NEXMIF: variants seen among roughly 807,000 people sequenced by gnomAD.
The protein encoded by NEXMIF is XLMR protein related to neurite extension.
NEXMIF carries 8 observed loss-of-function variants against 62.1 expected under a neutral mutation model. The ratio of observed to expected loss-of-function variants is 0.13; its 90% confidence interval spans 0.08 to 0.23. NEXMIF has a LOEUF of 0.23. Ranked by LOEUF, NEXMIF falls within the 10% of genes least tolerant of loss-of-function variation. The probability of loss-of-function intolerance (pLI) is 1.00; values close to 1 mark genes in which losing one functional copy is unlikely to be tolerated. For synonymous variants in NEXMIF, 404 were observed against 416.6 expected (o/e 0.97, Z 0.37); for missense variants, 976 against 1,113.3 (o/e 0.88, Z 1.75).
At position 74,746,928 on chromosome X, in the gene NEXMIF, A is replaced by G. The variant is rs756597518; in HGVS notation, c.-47-1231T>C. Among the ~76,000 whole-genome samples, 23 of 112,742 alleles carry G rather than the reference A, an allele frequency of 2.0e-4. 1 individual carries two copies. The South Asian group carries it at 8.0e-3, about 39-fold the overall frequency. On this transcript the variant is annotated intron_variant, in intron 1 of 3. Coordinates refer to ENST00000055682, the MANE Select transcript of NEXMIF (RefSeq NM_001008537.3). ...AAAGAGAAAATATATGCTTACTTGT[A>G]TTTACACAGAAAAGGGCTGGAGAGT... is the stretch of plus-strand genomic sequence containing the variant.
At chrX:74,771,505 G>C (rs188906970) in intron 1 of NEXMIF, among the ~76,000 whole-genome samples, 1 of 110,918 alleles carries the variant, frequency 9.0e-6, no homozygotes, top group Non-Finnish European at 1.9e-5. Context: ...CACCTATTTT[G>C]GTTCCAAAGG....
chrX:74,813,185 CTTAA>C (rs1384337764), intron 1 of NEXMIF, among the ~76,000 whole-genome samples: 1 of 111,210 alleles, frequency 9.0e-6, no homozygotes, highest in African/African-American at 3.3e-5. Context: ...ATGGCATAGC[CTTAA>C]TTAAACAAAA....
At chrX:74,838,157 T>C (rs903941976) in intron 1 of NEXMIF, among the ~76,000 whole-genome samples, 11 of 111,618 alleles carry the variant, frequency 9.9e-5, no homozygotes, top group African/African-American at 2.9e-4. Flanking sequence ...GAATAAAATA[T>C]TGAATCCAGA....
intron 1 of NEXMIF, among the ~76,000 whole-genome samples, chrX:74,895,042 G>C (rs2080728738): frequency 8.9e-6 from 1 of 112,300 alleles, no homozygotes; most frequent in Non-Finnish European, 1.9e-5. Context: ...AATTATCCTT[G>C]TTTGCATATG....
chrX:74,815,989 T>C (rs2080374917), intron 1 of NEXMIF, among the ~76,000 whole-genome samples: 1 of 111,353 alleles, frequency 9.0e-6, no homozygotes, highest in Non-Finnish European at 1.9e-5. Flanking sequence ...CCACTTACTG[T>C]TTCCCCCATA....
rs2080086757 is a variant in NEXMIF, at chrX:74,736,916, A to G, written c.*2489T>C. ...TGGGCTCCATAGGAGCAACTGAAAG[A>G]ATATCCATTCCAAAGGACTTATGAT... On this transcript the variant is annotated 3_prime_UTR_variant, in exon 4 of 4. Coordinates refer to ENST00000055682, the MANE Select transcript of NEXMIF (RefSeq NM_001008537.3). 8.9e-6 allele frequency: 1 copy of G among 111,906 alleles called. No individual in the cohort carries two copies. Among genetic ancestry groups the G allele is most frequent in the African/African-American group, 3.3e-5 (1 of 30,736 alleles). 9.2% of individuals were successfully genotyped at this position (111,906 alleles called of 1,213,427 possible).
At chrX:74,756,130 A>G (rs543453100) in intron 1 of NEXMIF, among the ~76,000 whole-genome samples, 2 of 108,469 alleles carry the variant, frequency 1.8e-5, no homozygotes, top group African/African-American at 6.7e-5. Context: ...TACCCGACTA[A>G]TTTTTGTATT....
chrX:74,825,624 G>A (rs1023452020), intron 1 of NEXMIF, among the ~76,000 whole-genome samples: 88 of 111,890 alleles, frequency 7.9e-4, no homozygotes, highest in African/African-American at 2.5e-3. Flanking sequence ...GCATGATCTC[G>A]GCTCATTGCA....
At position 74,786,216 on chromosome X, in the gene NEXMIF, G is replaced by A. The variant is rs148817266; in HGVS notation, c.-47-40519C>T. On this transcript the variant is annotated intron_variant, in intron 1 of 3. Coordinates refer to ENST00000055682, the MANE Select transcript of NEXMIF (RefSeq NM_001008537.3). ...TAGAGGGTTTTTCTGCTCAGGGTTTGGAATCAGCAAGTCCAGTTGTACTAT... is the reference window on the plus strand; with the variant it reads ...TAGAGGGTTTTTCTGCTCAGGGTTTAGAATCAGCAAGTCCAGTTGTACTAT... Among the ~76,000 whole-genome samples the A allele has an allele frequency of 3.0e-4, 34 of 111,554 alleles. No individual in the cohort carries two copies. The East Asian group carries it at 9.1e-3, about 30-fold the overall frequency.
At chrX:74,779,751 C>T (rs1314982949) in intron 1 of NEXMIF, among the ~76,000 whole-genome samples, 1 of 111,858 alleles carries the variant, frequency 8.9e-6, no homozygotes, top group Non-Finnish European at 1.9e-5. Flanking sequence ...TAGATTGTTT[C>T]ATTTCTTCTA....
At position 74,740,646 on chromosome X, in the gene NEXMIF, C is replaced by CTGTTGG; in HGVS notation, c.3905_3910dup (p.Thr1302_Asn1303dup). 2.5e-6 allele frequency: 3 copies of CTGTTGG among 1,211,880 alleles called. No individual in the cohort carries two copies. The highest frequency in any genetic ancestry group is 3.4e-6 in the Non-Finnish European group (3 of 895,459). On this transcript the variant is annotated inframe_insertion, in exon 3 of 4. Coordinates refer to ENST00000055682, the MANE Select transcript of NEXMIF (RefSeq NM_001008537.3). ...TTCCCGTTGGTCATCATCCAGAAGG[C>CTGTTGG]TGTTGGTGTTGGTGCCCATGCTCAT...
chrX:74,779,515 A>G (rs1324030559), intron 1 of NEXMIF, among the ~76,000 whole-genome samples: 35 of 111,636 alleles, frequency 3.1e-4, no homozygotes, highest in Non-Finnish European at 9.4e-5. Flanking sequence ...AGGGACATCT[A>G]TAATCTGGCT....
intron 1 of NEXMIF, among the ~76,000 whole-genome samples, chrX:74,824,196 C>T (rs1020711218): frequency 1.8e-5 from 2 of 111,455 alleles, no homozygotes; most frequent in African/African-American, 6.5e-5. Flanking sequence ...TAACTATAAT[C>T]ACCATGATGT....
In NEXMIF at chrX:74,743,428, C is replaced by T. The variant is rs935608397; in HGVS notation, c.1129G>A (p.Asp377Asn). The change falls in exon 3 of 4, where the codon GAT becomes AAT. Residue 377 changes from aspartate (D) to asparagine (N), a missense_variant. Coordinates refer to ENST00000055682, the MANE Select transcript of NEXMIF (RefSeq NM_001008537.3). Reference sequence around the variant, plus strand: ...CCTTTCTTCTTGTCCAAGTTTTTATCTTCCTCCCCCCAGATGATGCTCACA... The same window carrying T: ...CCTTTCTTCTTGTCCAAGTTTTTATTTTCCTCCCCCCAGATGATGCTCACA... ...PDVSIIWGEE[D>N]KNLDKKKGKE... 8.3e-7 allele frequency: 1 copy of T among 1,211,169 alleles called. No homozygotes were observed. Among genetic ancestry groups the T allele is most frequent in the Non-Finnish European group, 1.1e-6 (1 of 895,301 alleles).
At chrX:74,857,676 C>A (rs1394032273) in intron 1 of NEXMIF, among the ~76,000 whole-genome samples, 1 of 111,873 alleles carries the variant, frequency 8.9e-6, no homozygotes, top group African/African-American at 3.3e-5. Flanking sequence ...ACCAACTCAG[C>A]CACAGGGGTG....
At chrX:74,739,570 G>T in intron 3 of NEXMIF, 72 bp from the exon 4 acceptor site, 1 of 644,132 alleles carries the variant, frequency 1.6e-6, no homozygotes, top group Non-Finnish European at 2.4e-6. Context: ...GATCATACAA[G>T]CTAAATTTGT....
At chrX:74,811,494 C>T in intron 1 of NEXMIF, among the ~76,000 whole-genome samples, 1 of 112,495 alleles carries the variant, frequency 8.9e-6, no homozygotes, top group Non-Finnish European at 1.9e-5. Flanking sequence ...CCACAATTCA[C>T]ATATTTAGCG....
At chrX:74,919,773 C>T (rs769378998) in intron 1 of NEXMIF, among the ~76,000 whole-genome samples, 108 of 110,941 alleles carry the variant, frequency 9.7e-4, no homozygotes, top group African/African-American at 3.3e-3. Flanking sequence ...TATCCTTCCT[C>T]GCTCCCCCAA....
intron 1 of NEXMIF, among the ~76,000 whole-genome samples, chrX:74,792,340 T>C (rs1258851156): frequency 9.5e-5 from 10 of 105,662 alleles, no homozygotes; most frequent in East Asian, 3.1e-4. Flanking sequence ...GTCTGAGAGA[T>C]AGTTTGTTAT....
Sources: gnomAD v4.1 joint callset for allele counts (sites outside exome capture counted in the v4.1 genomes callset) on GRCh38, gnomAD v4.1.1 for gene constraint, MANE v1.5 for transcripts, NCBI Gene and HGNC (gene_info 2026-07-23, HGNC 2026-07-21) for gene names.